The following GRID2 variants were observed in gnomAD, a reference collection of about 807,000 sequenced individuals.
The protein encoded by GRID2 is glutamate ionotropic receptor delta type subunit 2, also known as glutamate receptor ionotropic, delta-2.
A neutral mutation model predicts 114.8 loss-of-function variants in GRID2; 33 were observed. That is an observed-to-expected ratio of 0.29 (90% CI 0.22 to 0.38). The LOEUF is 0.38. GRID2 is among the 10% of genes least tolerant of loss of function. The pLI is 1.00. For synonymous variants in GRID2, 505 were observed against 449.9 expected (o/e 1.12, Z -1.55); for missense variants, 1,184 against 1,257.7 (o/e 0.94, Z 0.89).
chr4:92,834,063 G>C (rs995883417), intron 2 of GRID2: 2 of 152,156 alleles, frequency 1.3e-5, no homozygotes, highest in Non-Finnish European at 1.5e-5. Flanking sequence ...AGTTATGATA[G>C]AGTAATATCT....
Position 92,670,157 on chromosome 4 carries a change from G to A in GRID2, c.244+79871G>A, listed in dbSNP as rs576074859. On this transcript the variant is annotated intron_variant, in intron 2 of 15. Transcript: ENST00000282020. ...AGCACCACAGGAGAGAGTTGTAGTA[G>A]CCTTTGATTAATCTATAATCTACCA... Among the ~76,000 whole-genome samples the A allele has an allele frequency of 3.4e-4, 51 of 152,154 alleles. 1 individual carries two copies. The South Asian group carries it at 4.6e-3, about 14-fold the overall frequency.
chr4:93,762,958 C>T (rs1733339923), intron 14 of GRID2, among the ~76,000 whole-genome samples: 1 of 152,108 alleles, frequency 6.6e-6, no homozygotes, highest in South Asian at 2.1e-4. Context: ...GGATGTAGAG[C>T]ACCCCAACAA....
At chr4:92,511,523 A>T (rs1724251011) in intron 1 of GRID2, among the ~76,000 whole-genome samples, 1 of 151,890 alleles carries the variant, frequency 6.6e-6, no homozygotes, top group African/African-American at 2.4e-5. Context: ...CTATAAATAC[A>T]AACTGGTACT....
chr4:92,858,596 C>G (rs549397676), intron 2 of GRID2, among the ~76,000 whole-genome samples: 1 of 152,088 alleles, frequency 6.6e-6, no homozygotes, highest in East Asian at 1.9e-4. Context: ...CTCACACTTT[C>G]GCCCAGGCTG....
At chr4:93,595,828 C>T (rs907527967) in intron 13 of GRID2, among the ~76,000 whole-genome samples, 1 of 152,094 alleles carries the variant, frequency 6.6e-6, no homozygotes, top group Non-Finnish European at 1.5e-5. Context: ...AAAATGAGAT[C>T]GTTATTTGCT....
chr4:92,857,050 C>T (rs1744226823), intron 2 of GRID2, among the ~76,000 whole-genome samples: 1 of 152,102 alleles, frequency 6.6e-6, no homozygotes, highest in Admixed American at 6.6e-5. Context: ...TTTTGCAGTG[C>T]CATTAACCAC....
At chr4:92,865,064 G>A (rs1358020837) in intron 2 of GRID2, among the ~76,000 whole-genome samples, 1 of 152,112 alleles carries the variant, frequency 6.6e-6, no homozygotes, top group Non-Finnish European at 1.5e-5. Context: ...GAAGCTAAAG[G>A]TATAAAATCT....
At chr4:93,267,260 A>G (rs891081741) in intron 8 of GRID2, among the ~76,000 whole-genome samples, 25 of 151,462 alleles carry the variant, frequency 1.7e-4, no homozygotes, top group Non-Finnish European at 3.2e-4. Flanking sequence ...ATATGTATAC[A>G]TGTGCCATGC....
chr4:92,516,326 T>C (rs1402251262), intron 1 of GRID2, among the ~76,000 whole-genome samples: 2 of 151,870 alleles, frequency 1.3e-5, no homozygotes, highest in African/African-American at 2.4e-5. Context: ...ATTCTAGGAG[T>C]AACTTTGTAG....
chr4:92,981,226 C>T (rs529697504), intron 2 of GRID2, among the ~76,000 whole-genome samples: 8 of 151,968 alleles, frequency 5.3e-5, no homozygotes, highest in South Asian at 2.1e-4. Context: ...TGTGTGCATA[C>T]GTCTTAAGAT....
At chr4:92,666,650 G>GTTTTTTGTTTT (rs1286942855) in intron 2 of GRID2, among the ~76,000 whole-genome samples, 5 of 68,596 alleles carry the variant, frequency 7.3e-5, no homozygotes, top group African/African-American at 2.1e-4. Flanking sequence ...CTTAAGGGTT[G>GTTTTTTGTTTT]TTTTTTTTTT....
rs534077025 is a variant in GRID2, at chr4:93,045,895, A to G, written c.245-39100A>G. 2.6e-5 allele frequency among the ~76,000 whole-genome samples: 4 copies of G among 152,244 alleles called. No homozygotes were observed. The South Asian group carries it at 8.3e-4, about 32-fold the overall frequency. On this transcript the variant is annotated intron_variant, in intron 2 of 15. Transcript: ENST00000282020. ...TAGTTATTTTCTAAGCCAAGTATTT[A>G]TGGGGGCTGTATAATGTTCTAATGT...
chr4:92,592,967 A>G (rs887758468), intron 2 of GRID2, among the ~76,000 whole-genome samples: 10 of 152,060 alleles, frequency 6.6e-5, no homozygotes, highest in African/African-American at 2.2e-4. Context: ...CATTGAAGAT[A>G]GTCAACTTTC....
intron 8 of GRID2, among the ~76,000 whole-genome samples, chr4:93,334,356 TC>T (rs1758810842): frequency 6.7e-6 from 1 of 150,130 alleles, no homozygotes; most frequent in South Asian, 2.1e-4. Context: ...TGACAATAAG[TC>T]AGCTTCACTG....
At chr4:93,342,478 A>T (rs1245784253) in intron 8 of GRID2, among the ~76,000 whole-genome samples, 1 of 152,092 alleles carries the variant, frequency 6.6e-6, no homozygotes, top group African/African-American at 2.4e-5. Flanking sequence ...TCCTAAATCC[A>T]TGGTTTCCTT....
chr4:92,735,569 C>G (rs369989279), intron 2 of GRID2, among the ~76,000 whole-genome samples: 15 of 152,082 alleles, frequency 9.9e-5, no homozygotes, highest in African/African-American at 3.6e-4. Context: ...GTATAATCTT[C>G]TTTACGTAAA....
chr4:93,157,349 T>A (rs1480841032), intron 4 of GRID2, among the ~76,000 whole-genome samples: 2 of 151,748 alleles, frequency 1.3e-5, no homozygotes, highest in Non-Finnish European at 3.0e-5. Flanking sequence ...TCTACTTTGA[T>A]TTTTTAGAAT....
chr4:93,679,397 G>C (rs1725273934), intron 14 of GRID2, among the ~76,000 whole-genome samples: 1 of 150,772 alleles, frequency 6.6e-6, no homozygotes, highest in South Asian at 2.1e-4. Flanking sequence ...AGGATACCCA[G>C]GAATTGAACT....
At chr4:93,435,557 AACT>A (rs1398490579) in intron 10 of GRID2, among the ~76,000 whole-genome samples, 2 of 152,180 alleles carry the variant, frequency 1.3e-5, no homozygotes, top group African/African-American at 4.8e-5. Context: ...GCGGAATCAA[AACT>A]ACTATTTTAG....
Sources: allele counts gnomAD v4.1 joint callset (sites outside exome capture counted in the v4.1 genomes callset), GRCh38; gene constraint gnomAD v4.1.1; transcripts MANE v1.5; gene names NCBI Gene and HGNC (gene_info 2026-07-23, HGNC 2026-07-21).